SUB1: variants seen among roughly 807,000 people sequenced by gnomAD.
The protein encoded by SUB1 is SUB1 regulator of transcription, also known as activated RNA polymerase II transcriptional coactivator p15.
Under a neutral mutation model 16.9 loss-of-function variants are expected in SUB1, and 1 was observed. That is an observed-to-expected ratio of 0.06 (90% CI 0.02 to 0.28). The LOEUF (loss-of-function observed/expected upper bound fraction) is 0.28, where lower values mean the gene tolerates loss of function less well. SUB1 is among the 10% of genes least tolerant of loss of function. The pLI is 1.00. For synonymous variants in SUB1, 51 were observed against 46.9 expected (o/e 1.09, Z -0.36); for missense variants, 84 against 145.2 (o/e 0.58, Z 2.16).
Position 32,602,045 on chromosome 5 carries a change from TG to T in SUB1, c.*963del. 3.9e-6 allele frequency: 1 copy of T among 258,288 alleles called. No homozygotes were observed. The highest frequency in any genetic ancestry group is 7.9e-6 in the Non-Finnish European group (1 of 126,564). The allele number at this position is 258,288 out of a possible 1,614,324, so 16.0% of individuals were successfully genotyped here. On this transcript the variant is annotated 3_prime_UTR_variant, in exon 5 of 5. Coordinates refer to ENST00000265073, the MANE Select transcript of SUB1 (RefSeq NM_006713.4). The stretch of plus-strand genomic sequence containing the variant: ...AGCTTTACTGTTATAGTAGGTAATA[TG>T]GTTAGTTTGTAGGGAAAAGAGCATA...
At chr5:32,592,419 C>T (rs1738851601) in intron 3 of SUB1, among the ~76,000 whole-genome samples, 1 of 152,274 alleles carries the variant, frequency 6.6e-6, no homozygotes, top group East Asian at 1.9e-4. Context: ...ATGAAATCAC[C>T]TAGAGAGGAC....
chr5:32,591,425 A>G (rs184071002), intron 2 of SUB1, 138 bp from the exon 3 acceptor site: 1 of 1,207,938 alleles, frequency 8.3e-7, no homozygotes, highest in Admixed American at 3.5e-5. Flanking sequence ...TTGTTGAGTG[A>G]AACTTGCTTA....
rs565534131 is a variant in SUB1 at position 32,591,810 on chromosome 5, C to T, written c.195+125C>T. 6 of 1,137,330 alleles carry T rather than the reference C, an allele frequency of 5.3e-6. No individual in the cohort carries two copies. In the East Asian group the frequency reaches 1.5e-4, roughly 29 times the overall value. The allele number at this position is 1,137,330 out of a possible 1,614,324, so 70.5% of individuals were successfully genotyped here. On this transcript the variant is annotated intron_variant, in intron 3 of 4. Transcript: ENST00000265073. ...CAGCCTCCTGAGTTCAAGCAGTTCT[C>T]TGCCTCAGCCTCCCGAGTAGCTAGG...
Position 32,601,669 on chromosome 5 carries a change from A to G in SUB1, c.*585A>G, listed in dbSNP as rs1258601517. The G allele has an allele frequency of 6.5e-6, 1 of 152,930 alleles. No individual in the cohort carries two copies. Among genetic ancestry groups the G allele is most frequent in the Non-Finnish European group, 1.5e-5 (1 of 68,614 alleles). The allele number at this position is 152,930 out of a possible 1,614,324, so 9.5% of individuals were successfully genotyped here. ...TATTTGGAAAGTCAGTGAAACTGTC[A>G]AAATGTTATCTCAATAAGATACTTA... On this transcript the variant is annotated 3_prime_UTR_variant, in exon 5 of 5. Coordinates refer to ENST00000265073, the MANE Select transcript of SUB1 (RefSeq NM_006713.4).
At chr5:32,591,182 GT>G (rs1341485704) in intron 2 of SUB1, 4 of 156,698 alleles carry the variant, frequency 2.6e-5, no homozygotes, top group African/African-American at 9.6e-5. Flanking sequence ...TATCTGCTTC[GT>G]AAAATAAGTA....
At chr5:32,590,448 C>A (rs140808630) in intron 2 of SUB1, among the ~76,000 whole-genome samples, 1 of 149,646 alleles carries the variant, frequency 6.7e-6, no homozygotes, top group African/African-American at 2.5e-5. Context: ...TTTAAAACAA[C>A]GTTGTGATTT....
Position 32,603,486 on chromosome 5 carries a change from T to G in SUB1, c.*2402T>G, listed in dbSNP as rs979169363. 3.9e-5 allele frequency: 6 copies of G among 152,170 alleles called. No homozygotes were observed. Among genetic ancestry groups the G allele is most frequent in the African/African-American group, 1.4e-4 (6 of 41,462 alleles). The allele number at this position is 152,170 out of a possible 1,614,324, so 9.4% of individuals were successfully genotyped here. Reference sequence around the variant, plus strand: ...GTTTTTCCTCTTCGTTTTTAAAATGTGAGTAGCATTTGACCAATTTCCAGT... The same window carrying G: ...GTTTTTCCTCTTCGTTTTTAAAATGGGAGTAGCATTTGACCAATTTCCAGT... On this transcript the variant is annotated 3_prime_UTR_variant, in exon 5 of 5. Coordinates refer to ENST00000265073, the MANE Select transcript of SUB1 (RefSeq NM_006713.4).
chr5:32,597,230 TA>T (rs926632257), intron 3 of SUB1: 1 of 152,222 alleles, frequency 6.6e-6, no homozygotes, highest in African/African-American at 2.4e-5. Flanking sequence ...CTGTGGCCAT[TA>T]AACAACAGTT....
Position 32,598,948 on chromosome 5 carries a change from G to A in SUB1, c.196-13G>A, listed in dbSNP as rs749817507. On this transcript the variant is annotated splice_polypyrimidine_tract_variant and intron_variant, in intron 3 of 4. Coordinates refer to ENST00000265073, the MANE Select transcript of SUB1 (RefSeq NM_006713.4). ...GAAAGGAGCACCTCTTTTTATGTTT[G>A]TTTCTTTTGCAGATTGGGAAAATGA... 7 of 1,599,562 alleles carry A rather than the reference G, an allele frequency of 4.4e-6. No homozygotes were observed. In the African/African-American group the frequency reaches 9.5e-5, roughly 22 times the overall value.
At chr5:32,598,935 TC>T (rs1739048779) in intron 3 of SUB1, 25 bp from the exon 4 acceptor site, 1 of 1,567,148 alleles carries the variant, frequency 6.4e-7, no homozygotes, top group South Asian at 1.1e-5. Flanking sequence ...AAGGAGCACC[TC>T]TTTTTATGTT....
Position 32,588,542 on chromosome 5 carries a change from A to C in SUB1, c.30A>C (p.Ser10=), listed in dbSNP as rs1429727729. Residue 10 remains serine, a synonymous_variant, in exon 2 of 5, where the codon TCA becomes TCC. Coordinates refer to ENST00000265073, the MANE Select transcript of SUB1 (RefSeq NM_006713.4). MPKSKELVS[S]SSSGSDSDSE... is the part of the protein sequence containing the mutation. ...CTAAATCAAAGGAACTTGTTTCTTC[A>C]AGCTCTTCTGGCAGTGATTCTGACA... 1 of 1,613,068 alleles carries C rather than the reference A, an allele frequency of 6.2e-7. No individual in the cohort carries two copies. Among genetic ancestry groups the C allele is most frequent in the Non-Finnish European group, 8.5e-7 (1 of 1,179,482 alleles).
intron 4 of SUB1, among the ~76,000 whole-genome samples, chr5:32,600,206 G>A (rs1473393469): frequency 6.6e-6 from 1 of 152,210 alleles, no homozygotes; most frequent in Non-Finnish European, 1.5e-5. Flanking sequence ...TGACCCTAGA[G>A]TGCAGTTACC....
intron 2 of SUB1, among the ~76,000 whole-genome samples, chr5:32,589,313 C>T (rs924593798): frequency 2.0e-5 from 3 of 152,142 alleles, no homozygotes; most frequent in Admixed American, 6.5e-5. Context: ...TCTCAAACTC[C>T]TGGCCTCAGG....
At chr5:32,600,807 T>C (rs184755127) in intron 4 of SUB1, among the ~76,000 whole-genome samples, 198 bp from the exon 5 acceptor site, 183 of 152,212 alleles carry the variant, frequency 1.2e-3, no homozygotes, top group African/African-American at 4.3e-3. Flanking sequence ...TTTCACCATG[T>C]TGGGCCAGGC....
chr5:32,595,356 G>A (rs1423086548), intron 3 of SUB1: 5 of 152,068 alleles, frequency 3.3e-5, no homozygotes, highest in Non-Finnish European at 7.3e-5. Context: ...TCATGTCCTA[G>A]GTAATCACTG....
chr5:32,594,655 C>T, intron 3 of SUB1: 5 of 449,722 alleles, frequency 1.1e-5, no homozygotes, highest in South Asian at 7.8e-5. Context: ...CCGAGCTCTG[C>T]CTCCTGTCAG....
intron 3 of SUB1, 76 bp from the exon 4 acceptor site, chr5:32,598,885 T>C: frequency 1.8e-6 from 2 of 1,129,912 alleles, no homozygotes; most frequent in Admixed American, 2.0e-5. Flanking sequence ...ATGCAGCAAG[T>C]TGTGAATATG....
At chr5:32,590,127 T>A (rs942219833) in intron 2 of SUB1, among the ~76,000 whole-genome samples, 12 of 152,224 alleles carry the variant, frequency 7.9e-5, no homozygotes, top group African/African-American at 2.9e-4. Flanking sequence ...AGAGCCTGAT[T>A]TATAGAATAA....
intron 3 of SUB1, among the ~76,000 whole-genome samples, chr5:32,592,631 A>G (rs1252786421): frequency 1.3e-5 from 2 of 152,232 alleles, no homozygotes; most frequent in African/African-American, 2.4e-5. Context: ...AATTATGCCA[A>G]TTACAAGATA....
Sources: gnomAD v4.1 joint callset for allele counts (sites outside exome capture counted in the v4.1 genomes callset) on GRCh38, gnomAD v4.1.1 for gene constraint, MANE v1.5 for transcripts, NCBI Gene and HGNC (gene_info 2026-07-23, HGNC 2026-07-21) for gene names.